The following PPP1R37 variants were observed in gnomAD, a reference collection of about 807,000 sequenced individuals.
PPP1R37 encodes the protein leucine rich repeat containing 68.
In PPP1R37, 21 loss-of-function variants were observed where a neutral mutation model predicts 61.0. The ratio of observed to expected loss-of-function variants is 0.34; its 90% CI spans 0.24 to 0.50. The LOEUF (loss-of-function observed/expected upper bound fraction) is 0.50, where lower values mean the gene tolerates loss of function less well. Ranked by LOEUF, PPP1R37 falls within the 20% of genes least tolerant of loss-of-function variation. PPP1R37 has a pLI of 0.98. For synonymous variants in PPP1R37, 443 were observed against 433.5 expected, an observed-to-expected ratio of 1.02 and a Z score of -0.27; for missense variants, 910 against 952.7, an observed-to-expected ratio of 0.96 and a Z score of 0.59.
chr19:45,103,655 C>G (rs1968092185), intron 1 of PPP1R37, among the ~76,000 whole-genome samples: 1 of 152,162 alleles, frequency 6.6e-6, no homozygotes, highest in African/African-American at 2.4e-5. Context: ...GTGGGGCTGC[C>G]AAAAGGTGAA....
rs1354943472 is a variant in PPP1R37, at chr19:45,145,154, G to A, written c.1190G>A (p.Arg397Gln). Residue 397 changes from arginine (R) to glutamine (Q), a missense_variant, in exon 10 of 13, where the codon CGG becomes CAG. This residue lies in a region of PPP1R37 where 549 missense variants were observed against 505.1 expected (regional missense o/e 1.09). Transcript: ENST00000221462. ...CCCCGCCTCCTGAGACTGGACCTTC[G>A]GGAGAACGAGATCAAGACAGGCGGG... is the stretch of plus-strand genomic sequence containing the variant. ...ESPRLLRLDL[R>Q]ENEIKTGGLM... 5.2e-6 allele frequency: 8 copies of A among 1,535,082 alleles called. No homozygotes were observed. Among genetic ancestry groups the A allele is most frequent in the African/African-American group, 1.4e-5 (1 of 73,076 alleles).
At chr19:45,115,419 T>C (rs1968253683) in intron 1 of PPP1R37, among the ~76,000 whole-genome samples, 1 of 152,060 alleles carries the variant, frequency 6.6e-6, no homozygotes, top group Non-Finnish European at 1.5e-5. Flanking sequence ...CTCAGTTTCC[T>C]CCTTTGGAAA....
At chr19:45,113,369 C>T (rs1397386139) in intron 1 of PPP1R37, among the ~76,000 whole-genome samples, 3 of 152,348 alleles carry the variant, frequency 2.0e-5, no homozygotes, top group East Asian at 3.9e-4. Context: ...CCACGCATGG[C>T]GTTGAGCCCT....
chr19:45,122,242 C>T (rs890728638), intron 1 of PPP1R37, among the ~76,000 whole-genome samples: 8 of 152,190 alleles, frequency 5.3e-5, no homozygotes, highest in African/African-American at 1.7e-4. Context: ...GACCTCATCA[C>T]GTGCACACCT....
In PPP1R37 at chr19:45,141,325, G is replaced by A. The variant is rs539743718; in HGVS notation, c.451G>A (p.Ala151Thr). 6.5e-7 allele frequency: 1 copy of A among 1,535,380 alleles called. No homozygotes were observed. Among genetic ancestry groups the A allele is most frequent in the Non-Finnish European group, 8.7e-7 (1 of 1,146,508 alleles). ...LEQTNLDEDG[A>T]SALFDMIEYY... ...GCCCCCGAATCTCTATGCGCAGGGT[G>A]CCTCGGCCCTCTTCGACATGATCGA... Residue 151 changes from alanine to threonine, a missense_variant, in exon 5 of 13, where the codon GCC (alanine) becomes ACC (threonine). This residue lies in a region of PPP1R37 where 280 missense variants were observed against 382.2 expected (regional missense o/e 0.73). Transcript: ENST00000221462.
chr19:45,140,379 T>C, intron 3 of PPP1R37, 98 bp downstream of exon 3: 3 of 1,114,024 alleles, frequency 2.7e-6, no homozygotes, highest in Non-Finnish European at 2.4e-6. Flanking sequence ...TAGCGGCTTC[T>C]GGAGCTGAGC....
At chr19:45,146,304 C>T in intron 11 of PPP1R37, 86 bp from the exon 12 acceptor site, 2 of 1,300,494 alleles carry the variant, frequency 1.5e-6, no homozygotes, top group South Asian at 2.7e-5. Flanking sequence ...TCTGCAGGCC[C>T]TGAGGGTCTG....
intron 1 of PPP1R37, among the ~76,000 whole-genome samples, chr19:45,103,115 A>G (rs1389722886): frequency 6.6e-6 from 1 of 152,234 alleles, no homozygotes; most frequent in African/African-American, 2.4e-5. Context: ...AGCACCCTCC[A>G]TGGTGCCTGG....
At position 45,145,268 on chromosome 19, in the gene PPP1R37, G is replaced by C. The variant is rs1231788245; in HGVS notation, c.1296+8G>C. 4 of 1,529,806 alleles carry C rather than the reference G, an allele frequency of 2.6e-6. No individual in the cohort carries two copies. In the Admixed American group the frequency reaches 7.9e-5, roughly 30 times the overall value. 94.8% of individuals were successfully genotyped at this position (1,529,806 alleles called of 1,614,324 possible). ...GAACCCAAGAAAGAGGCGGTGAGCA[G>C]GGGACGGTCCTGCAGCCCTGGGGCG... is the stretch of plus-strand genomic sequence containing the variant. On this transcript the variant is annotated splice_region_variant and intron_variant, in intron 10 of 12. Coordinates refer to ENST00000221462, the MANE Select transcript of PPP1R37 (RefSeq NM_019121.2).
At chr19:45,103,744 C>G (rs1968093554) in intron 1 of PPP1R37, among the ~76,000 whole-genome samples, 2 of 152,200 alleles carry the variant, frequency 1.3e-5, no homozygotes, top group South Asian at 4.1e-4. Context: ...ACTCAAAGCT[C>G]CCATTTATGG....
chr19:45,105,277 T>TC (rs138203457), intron 1 of PPP1R37, among the ~76,000 whole-genome samples: 2 of 151,956 alleles, frequency 1.3e-5, no homozygotes, highest in Middle Eastern at 3.4e-3. Flanking sequence ...GCCTCTGGTA[T>TC]CCCCCCGCCA....
At chr19:45,123,054 G>A (rs966311294) in intron 1 of PPP1R37, among the ~76,000 whole-genome samples, 9 of 152,060 alleles carry the variant, frequency 5.9e-5, no homozygotes, top group African/African-American at 1.7e-4. Context: ...GATGCCTCCC[G>A]CTGCAGCTGA....
In PPP1R37 at chr19:45,145,462, A is replaced by G; in HGVS notation, c.1406A>G (p.Gln469Arg). The G allele has an allele frequency of 1.0e-5, 16 of 1,535,060 alleles. No homozygotes were observed. The highest frequency in any genetic ancestry group is 1.3e-5 in the Non-Finnish European group (15 of 1,146,572). The change falls in exon 11 of 13, where the codon CAG becomes CGG. Residue 469 changes from glutamine to arginine, a missense_variant. Gln to Arg is a conservative substitution (Grantham distance 43). Coordinates refer to ENST00000221462, the MANE Select transcript of PPP1R37 (RefSeq NM_019121.2). ...AGGGAGGAGAAGGAGCAGCCGCCAC[A>G]GCTGTCGGCCTCCATGCCTGAGACC... ...REREEKEQPPQLSASMPETTA... is the reference protein window; with the variant it reads ...REREEKEQPPRLSASMPETTA...
At chr19:45,110,109 C>T (rs1968181914) in intron 1 of PPP1R37, among the ~76,000 whole-genome samples, 2 of 149,766 alleles carry the variant, frequency 1.3e-5, no homozygotes, top group Admixed American at 1.3e-4. Flanking sequence ...TAATGAATTC[C>T]CTTTTTCTTT....
chr19:45,093,249 CGG>C lies in PPP1R37; in HGVS notation c.-76_-75del. On this transcript the variant is annotated 5_prime_UTR_variant, in exon 1 of 13. The change abolishes the stop of an existing upstream ORF in the 5' untranslated region. Transcript: ENST00000221462. ...CGGCGGCGGAGCCCATGCCCCGGGACGGCGGGCGGACCCGGAGAGACAAATCC... is the reference window on the plus strand; with the variant it reads ...CGGCGGCGGAGCCCATGCCCCGGGACCGGGCGGACCCGGAGAGACAAATCC... 1 of 1,180,564 alleles carries C rather than the reference CGG, an allele frequency of 8.5e-7. No individual in the cohort carries two copies. Among genetic ancestry groups the C allele is most frequent in the Non-Finnish European group, 1.1e-6 (1 of 912,394 alleles). 73.1% of individuals were successfully genotyped at this position (1,180,564 alleles called of 1,614,324 possible). A position where few individuals can be genotyped will look rare whatever the true frequency, so the allele number is the denominator to read the frequency against.
At chr19:45,136,687 G>A (rs1324936108) in intron 1 of PPP1R37, among the ~76,000 whole-genome samples, 1 of 152,182 alleles carries the variant, frequency 6.6e-6, no homozygotes, top group Non-Finnish European at 1.5e-5. Flanking sequence ...CTCAGGCAGG[G>A]ACCAGGCCTG....
chr19:45,097,627 G>A (rs1325682796), intron 1 of PPP1R37, among the ~76,000 whole-genome samples: 1 of 151,990 alleles, frequency 6.6e-6, no homozygotes, highest in African/African-American at 2.4e-5. Context: ...GGAGGGTCTC[G>A]AGCCTGCCCA....
chr19:45,134,165 T>C (rs1221952005), intron 1 of PPP1R37, among the ~76,000 whole-genome samples: 2 of 151,872 alleles, frequency 1.3e-5, no homozygotes, highest in East Asian at 3.9e-4. Flanking sequence ...TTTTCTCCTC[T>C]CTTTTTTTTT....
At chr19:45,109,566 A>G (rs1218066365) in intron 1 of PPP1R37, among the ~76,000 whole-genome samples, 1 of 152,186 alleles carries the variant, frequency 6.6e-6, no homozygotes, top group Non-Finnish European at 1.5e-5. Context: ...TTTTGCAGAT[A>G]AGAAACTGCT....
Sources: gnomAD v4.1 joint callset for allele counts (sites outside exome capture counted in the v4.1 genomes callset) on GRCh38, gnomAD v4.1.1 for gene constraint, gnomAD v4.1.1 regional missense constraint, MANE v1.5 for transcripts, NCBI Gene and HGNC (gene_info 2026-07-23, HGNC 2026-07-21) for gene names.